The following LRTM3 variants were observed in gnomAD, a reference collection of about 807,000 sequenced individuals.
LRTM3 encodes the protein leucine-rich repeat transmembrane protein 3.
the LRTM3 span, chr13:102,737,651 T>C: frequency 5.2e-6 from 8 of 1,550,510 alleles, no homozygotes; most frequent in Non-Finnish European, 7.0e-6. Context: ...CATTAAGTCT[T>C]TCTCAGCTGA....
the LRTM3 span, chr13:102,758,655 C>A: frequency 6.6e-7 from 1 of 1,513,282 alleles, no homozygotes; most frequent in South Asian, 1.3e-5. Flanking sequence ...ATTCTTATGT[C>A]TGATTTTGAA....
At chr13:102,734,571 T>C in the LRTM3 span, 1 of 1,551,328 alleles carries the variant, frequency 6.4e-7, no homozygotes, top group East Asian at 2.4e-5. Flanking sequence ...CTCATATCGA[T>C]TATTTTTTTT....
chr13:102,745,132 C>G, the LRTM3 span: 48 of 1,550,596 alleles, frequency 3.1e-5, no homozygotes, highest in Non-Finnish European at 4.1e-5. Flanking sequence ...ACAGAATTTT[C>G]CTACTTCCTT....
the LRTM3 span, chr13:102,730,722 C>G: frequency 4.5e-6 from 7 of 1,551,702 alleles, no homozygotes; most frequent in Middle Eastern, 1.7e-4. Flanking sequence ...CTTTGTCCAC[C>G]AGCATTTACG....
At chr13:102,733,368 A>T in the LRTM3 span, 1 of 1,551,298 alleles carries the variant, frequency 6.4e-7, no homozygotes, top group Non-Finnish European at 8.7e-7. Flanking sequence ...AATTTACATG[A>T]ACCTGCAAGT....
the LRTM3 span, chr13:102,730,673 T>A: frequency 1.3e-6 from 2 of 1,551,990 alleles, no homozygotes; most frequent in Admixed American, 3.9e-5. Flanking sequence ...GAAAGAAATA[T>A]GTTGTTCTAA....
the LRTM3 span, among the ~76,000 whole-genome samples, chr13:102,751,069 G>A: frequency 6.6e-6 from 1 of 152,154 alleles, no homozygotes; most frequent in African/African-American, 2.4e-5. Flanking sequence ...TATTCTGGAT[G>A]TTTCTCCCAG....
At chr13:102,749,749 A>G in the LRTM3 span, 20 of 1,551,350 alleles carry the variant, frequency 1.3e-5, no homozygotes, top group East Asian at 2.0e-4. Flanking sequence ...GGGCTTGACT[A>G]GTAAATTGGA....
chr13:102,738,908 A>C, the LRTM3 span: 1 of 1,550,606 alleles, frequency 6.4e-7, no homozygotes. Flanking sequence ...GGAATGCATG[A>C]TTTTTTCCAA....
At chr13:102,732,709 C>T in the LRTM3 span, 1 of 1,551,202 alleles carries the variant, frequency 6.4e-7, no homozygotes, top group Non-Finnish European at 8.7e-7. Flanking sequence ...TTCTTCCTCT[C>T]TCCTTCTCCA....
the LRTM3 span, chr13:102,732,017 G>C: frequency 6.4e-7 from 1 of 1,551,308 alleles, no homozygotes. Flanking sequence ...TCTGAGGTTT[G>C]CTTCTGATTT....
chr13:102,744,374 G>A, the LRTM3 span: 871 of 1,550,114 alleles, frequency 5.6e-4, 5 homozygotes, highest in African/African-American at 0.01. Flanking sequence ...CTCAGAAATA[G>A]AACTATCCCA....
At chr13:102,730,005 A>C in the LRTM3 span, 4 of 1,551,756 alleles carry the variant, frequency 2.6e-6, no homozygotes, top group African/African-American at 5.5e-5. Flanking sequence ...TCTTCACTGA[A>C]TGATACACTA....
At chr13:102,755,651 G>T in the LRTM3 span, among the ~76,000 whole-genome samples, 1 of 151,938 alleles carries the variant, frequency 6.6e-6, no homozygotes, top group Non-Finnish European at 1.5e-5. Context: ...GCCTTTTCGG[G>T]GATGGGGGAC....
chr13:102,734,821 C>T, the LRTM3 span: 2 of 1,551,010 alleles, frequency 1.3e-6, no homozygotes, highest in African/African-American at 2.7e-5. Flanking sequence ...CTTCACATTC[C>T]TGCACCTTCT....
chr13:102,729,522 T>C, the LRTM3 span: 2 of 1,489,528 alleles, frequency 1.3e-6, no homozygotes, highest in Non-Finnish European at 1.8e-6. Flanking sequence ...CTCCATATAT[T>C]CCAAGAACTT....
chr13:102,743,722 T>C, the LRTM3 span: 18 of 1,549,658 alleles, frequency 1.2e-5, no homozygotes, highest in Middle Eastern at 1.7e-4. Context: ...TTAAATAGGA[T>C]TTACATTTCT....
At chr13:102,751,342 TACACACACACACACACACACACAC>T in the LRTM3 span, among the ~76,000 whole-genome samples, 5 of 141,998 alleles carry the variant, frequency 3.5e-5, no homozygotes, top group African/African-American at 1.1e-4. Context: ...TCTCTCTTTA[TACACACACACACACACACACACAC>T]ACACACACAC....
At chr13:102,745,179 G>A in the LRTM3 span, 1 of 1,550,798 alleles carries the variant, frequency 6.4e-7, no homozygotes, top group Non-Finnish European at 8.7e-7. Flanking sequence ...TCCTTCCCCT[G>A]ACCTGAACGG....
Sources: gnomAD v4.1 joint callset for allele counts (sites outside exome capture counted in the v4.1 genomes callset) on GRCh38, gnomAD v4.1.1 for gene constraint, MANE v1.5 for transcripts, NCBI Gene and HGNC (gene_info 2026-07-23, HGNC 2026-07-21) for gene names.